Variants in KTN1 observed in about 807,000 individuals in gnomAD.
The protein encoded by KTN1 is kinectin.
KTN1 carries 130 observed loss-of-function variants against 222.5 expected under a neutral mutation model. That is an observed-to-expected ratio of 0.58 (90% CI 0.51 to 0.68). The LOEUF is 0.68. Among genes scored for constraint, KTN1 ranks in the 30% least tolerant of loss-of-function variants. The probability of loss-of-function intolerance (pLI) is 0.00; values close to 1 mark genes in which losing one functional copy is unlikely to be tolerated. For synonymous variants in KTN1, 512 were observed against 496.3 expected (o/e 1.03, Z -0.42); for missense variants, 1,508 against 1,500.4 (o/e 1.01, Z -0.08).
intron 19 of KTN1, 29 bp from the exon 20 acceptor site, chr14:55,647,996 A>G (rs1404585802): frequency 2.2e-6 from 2 of 908,710 alleles, no homozygotes; most frequent in Admixed American, 2.7e-5. Context: ...AAAATAGTTA[A>G]TACATGTGTT....
At chr14:55,596,118 G>A (rs1214320090) in intron 1 of KTN1, among the ~76,000 whole-genome samples, 2 of 131,138 alleles carry the variant, frequency 1.5e-5, no homozygotes, top group Non-Finnish European at 3.1e-5. Flanking sequence ...TCGTGCCACT[G>A]CACTCCAGCA....
Position 55,679,639 on chromosome 14 carries a change from G to T in KTN1, c.4023G>T (p.Ala1341=). The change falls in exon 43 of 44, where the codon GCG becomes GCT. Residue 1341 remains alanine, a synonymous_variant. Transcript: ENST00000395314. ...CACAGTTACAGCAGTTGCTTCAGGC[G>T]GTAAACCAACAGCTCACAAAGGAGA... ...TVTQLQQLLQ[A]VNQQLTKEKE... is the part of the protein sequence containing the mutation. 1.2e-6 allele frequency: 2 copies of T among 1,613,582 alleles called. No individual in the cohort carries two copies. Among genetic ancestry groups the T allele is most frequent in the South Asian group, 2.2e-5 (2 of 91,048 alleles).
chr14:55,658,985 A>C (rs1164978525), intron 30 of KTN1, among the ~76,000 whole-genome samples: 1 of 152,142 alleles, frequency 6.6e-6, no homozygotes, highest in African/African-American at 2.4e-5. Context: ...GAAACTAACA[A>C]ATGTATCATA....
At chr14:55,676,124 T>C (rs2045873651) in intron 41 of KTN1, among the ~76,000 whole-genome samples, 1 of 152,214 alleles carries the variant, frequency 6.6e-6, no homozygotes. Flanking sequence ...ACCTCATTAT[T>C]TCCTCACATT....
rs1451659866 is a variant in KTN1 at position 55,641,139 on chromosome 14, A to T, written c.2034A>T (p.Lys678Asn). Residue 678 changes from lysine (K) to asparagine (N), a missense_variant, in exon 17 of 44, where the codon AAA becomes AAT. Coordinates refer to ENST00000395314, the MANE Select transcript of KTN1 (RefSeq NM_001079521.2). Reference protein sequence around the residue: ...LEKMQQSVYVKDDKIRLLEEQ... With the variant: ...LEKMQQSVYVNDDKIRLLEEQ... Reference sequence around the variant, plus strand: ...TTCACCCTCATAGTGTTTATGTTAAAGATGATAAAATAAGATTGCTGGAAG... The same window carrying T: ...TTCACCCTCATAGTGTTTATGTTAATGATGATAAAATAAGATTGCTGGAAG... 1.3e-6 allele frequency: 2 copies of T among 1,585,194 alleles called. No individual in the cohort carries two copies. Among genetic ancestry groups the T allele is most frequent in the Admixed American group, 3.6e-5 (2 of 55,086 alleles).
chr14:55,618,121 C>T lies in KTN1; in HGVS notation c.819C>T (p.Thr273=), dbSNP rs777715134. The T allele has an allele frequency of 6.5e-5, 105 of 1,609,968 alleles. No individual in the cohort carries two copies. Among genetic ancestry groups the T allele is most frequent in the South Asian group, 1.7e-4 (15 of 90,512 alleles). ...IQKSGTKKLK[T]ETDKENAEVK... is the part of the protein sequence containing the mutation. Reference sequence around the variant, plus strand: ...AATCTGGGACTAAAAAACTGAAGACCGAAACTGACAAAGGTAATATATGGG... The same window carrying T: ...AATCTGGGACTAAAAAACTGAAGACTGAAACTGACAAAGGTAATATATGGG... The change falls in exon 4 of 44, where the codon ACC becomes ACT. Residue 273 remains threonine (T), a synonymous_variant. Transcript: ENST00000395314.
At chr14:55,628,340 A>C (rs2040106005) in intron 6 of KTN1, among the ~76,000 whole-genome samples, 1 of 152,190 alleles carries the variant, frequency 6.6e-6, no homozygotes, top group Admixed American at 6.5e-5. Context: ...AGAAACACAG[A>C]ATTTGGTGTG....
At chr14:55,612,856 C>T (rs1459355906) in intron 2 of KTN1, among the ~76,000 whole-genome samples, 2 of 151,086 alleles carry the variant, frequency 1.3e-5, no homozygotes, top group East Asian at 3.9e-4. Flanking sequence ...TGTTTGAGAC[C>T]AGCCTGGGCA....
chr14:55,612,323 TAGA>T lies in KTN1; in HGVS notation c.279_281del (p.Glu93del). On this transcript the variant is annotated inframe_deletion, in exon 2 of 44. Transcript: ENST00000395314. ...TTTAAATTATCAGATGCTTTGGCAGTAGAAGATGATCAAGTTGCACCTGTTCCA... is the reference window on the plus strand; with the variant it reads ...TTTAAATTATCAGATGCTTTGGCAGTAGATGATCAAGTTGCACCTGTTCCA... 3 of 1,614,134 alleles carry T rather than the reference TAGA, an allele frequency of 1.9e-6. No individual in the cohort carries two copies. The highest frequency in any genetic ancestry group is 1.1e-5 in the South Asian group (1 of 91,062).
Position 55,664,165 on chromosome 14 carries a change from T to C in KTN1, c.3177+124T>C, listed in dbSNP as rs893160881. 3.6e-5 allele frequency: 22 copies of C among 612,184 alleles called. No individual in the cohort carries two copies. In the African/African-American group the frequency reaches 4.2e-4, roughly 12 times the overall value. 37.9% of individuals were successfully genotyped at this position (612,184 alleles called of 1,614,324 possible). A position where few individuals can be genotyped will look rare whatever the true frequency, so the allele number is the denominator to read the frequency against. ...TATAAAATCTCCTTATCCATATTTA[T>C]CATCTCTATCATCTCTGCTTTTTTC... On this transcript the variant is annotated intron_variant, in intron 33 of 43. Coordinates refer to ENST00000395314, the MANE Select transcript of KTN1 (RefSeq NM_001079521.2).
chr14:55,650,162 G>A (rs2042798021), intron 22 of KTN1, among the ~76,000 whole-genome samples, 166 bp from the exon 23 acceptor site: 1 of 152,052 alleles, frequency 6.6e-6, no homozygotes, highest in Admixed American at 6.5e-5. Context: ...TGTCTGTTAG[G>A]AGGAGCTTTA....
intron 1 of KTN1, among the ~76,000 whole-genome samples, chr14:55,594,382 ATTAG>A (rs952663490): frequency 3.9e-5 from 6 of 152,042 alleles, no homozygotes; most frequent in Non-Finnish European, 5.9e-5. Context: ...TTATATAATA[ATTAG>A]TTAGACTCTT....
At position 55,637,371 on chromosome 14, in the gene KTN1, TTTC is replaced by T. The variant is rs751636609; in HGVS notation, c.1716+13_1716+15del. The T allele has an allele frequency of 1.6e-5, 24 of 1,540,132 alleles. No individual in the cohort carries two copies. Among genetic ancestry groups the T allele is most frequent in the African/African-American group, 2.8e-5 (2 of 71,094 alleles). On this transcript the variant is annotated splice_region_variant and intron_variant, in intron 11 of 43. Coordinates refer to ENST00000395314, the MANE Select transcript of KTN1 (RefSeq NM_001079521.2). ...TCTACAAATGCAGGTTCAGGTATTT[TTTC>T]TTCTTTTTTTTTTTTTAAAAAAATA... is the stretch of plus-strand genomic sequence containing the variant.
intron 1 of KTN1, among the ~76,000 whole-genome samples, chr14:55,598,451 AG>A (rs770885415): frequency 1.3e-5 from 2 of 151,802 alleles, no homozygotes; most frequent in Non-Finnish European, 2.9e-5. Flanking sequence ...AAAAAAAAAA[AG>A]AATATTGGTT....
chr14:55,644,169 G>A (rs931547049), intron 18 of KTN1: 7 of 421,758 alleles, frequency 1.7e-5, no homozygotes, highest in East Asian at 7.0e-5. Flanking sequence ...TCCTCTAGTC[G>A]TTTTTATTGT....
intron 18 of KTN1, among the ~76,000 whole-genome samples, chr14:55,642,853 A>G (rs1325201555): frequency 6.6e-6 from 1 of 151,992 alleles, no homozygotes; most frequent in East Asian, 1.9e-4. Context: ...AAGGTAATAG[A>G]GGAGACAGTG....
rs1458588886 is a variant in KTN1, at chr14:55,611,859, CAAAT to C, written c.-30-155_-30-152del. On this transcript the variant is annotated intron_variant, in intron 1 of 43. Coordinates refer to ENST00000395314, the MANE Select transcript of KTN1 (RefSeq NM_001079521.2). ...CATAGTATATATGAATTGTAGTTGG[CAAAT>C]AAATCAAGAATGTGATTTAAAGAAC... 4.8e-5 allele frequency: 17 copies of C among 352,038 alleles called. No individual in the cohort carries two copies. In the East Asian group the frequency reaches 7.0e-4, roughly 14 times the overall value. 21.8% of individuals were successfully genotyped at this position (352,038 alleles called of 1,614,324 possible).
chr14:55,623,181 A>G (rs2039379579), intron 5 of KTN1, among the ~76,000 whole-genome samples: 1 of 152,258 alleles, frequency 6.6e-6, no homozygotes, highest in African/African-American at 2.4e-5. Context: ...CATTTATCAT[A>G]GCACTATAAG....
At chr14:55,625,789 C>A (rs2039739849) in intron 5 of KTN1, among the ~76,000 whole-genome samples, 1 of 151,980 alleles carries the variant, frequency 6.6e-6, no homozygotes, top group African/African-American at 2.4e-5. Flanking sequence ...ACATTTTATG[C>A]ATTTGTTGTT....
Sources: allele counts gnomAD v4.1 joint callset (sites outside exome capture counted in the v4.1 genomes callset), GRCh38; gene constraint gnomAD v4.1.1; transcripts MANE v1.5; gene names NCBI Gene and HGNC (gene_info 2026-07-23, HGNC 2026-07-21).